The following LRRC56 variants were observed in gnomAD, a reference collection of about 807,000 sequenced individuals.
LRRC56 encodes leucine rich repeat containing 56, also known as leucine-rich repeat-containing protein 56.
A neutral mutation model predicts 47.8 loss-of-function variants in LRRC56; 41 were observed. The observed-to-expected ratio is 0.86, with a 90% CI of 0.67 to 1.11. The LOEUF is 1.11. Ranked by LOEUF, LRRC56 falls within the 50% of genes most tolerant of loss-of-function variation. The probability of loss-of-function intolerance (pLI) is 0.00; values close to 1 mark genes in which losing one functional copy is unlikely to be tolerated. For synonymous variants in LRRC56, 387 were observed against 311.2 expected (o/e 1.24, Z -2.56); for missense variants, 759 against 704.2 (o/e 1.08, Z -0.88).
intron 6 of LRRC56, among the ~76,000 whole-genome samples, chr11:548,265 C>T (rs962310424): frequency 6.6e-6 from 1 of 152,160 alleles, no homozygotes; most frequent in African/African-American, 2.4e-5. Context: ...GTTGGAGCAG[C>T]CAAGAAAAGA....
At position 541,653 on chromosome 11, in the gene LRRC56, A is replaced by G. The variant is rs776591434; in HGVS notation, c.265+29A>G. The G allele has an allele frequency of 5.0e-5, 66 of 1,317,802 alleles. No homozygotes were observed. The highest frequency in any genetic ancestry group is 3.7e-4 in the Middle Eastern group (2 of 5,364). 81.6% of individuals were successfully genotyped at this position (1,317,802 alleles called of 1,614,324 possible). A position where few individuals can be genotyped will look rare whatever the true frequency, so the allele number is the denominator to read the frequency against. On this transcript the variant is annotated intron_variant, in intron 5 of 13. Coordinates refer to ENST00000270115, the MANE Select transcript of LRRC56 (RefSeq NM_198075.4). The surrounding 1 kb of genome is among the most constrained non-coding windows in gnomAD (Gnocchi z 4.1). ...AGCCTCTTCCCACCCCGCCATGGCC[A>G]CGGCCACGGCCACGCCTCCCTGTAA...
At chr11:537,851 A>T (rs538240907) in intron 1 of LRRC56, among the ~76,000 whole-genome samples, 20 of 152,164 alleles carry the variant, frequency 1.3e-4, no homozygotes, top group South Asian at 1.2e-3. Flanking sequence ...CCTGAGGGAG[A>T]CTCAGAGGCA....
At chr11:522,371 T>C in the LRRC56 span, among the ~76,000 whole-genome samples, 134 of 152,232 alleles carry the variant, frequency 8.8e-4, no homozygotes, top group Middle Eastern at 0.017. Flanking sequence ...GTTCAGGCCA[T>C]TCTCCTGCCT....
At chr11:513,076 T>A in the LRRC56 span, among the ~76,000 whole-genome samples, 2 of 152,240 alleles carry the variant, frequency 1.3e-5, no homozygotes, top group African/African-American at 4.8e-5. Flanking sequence ...CTCAGCACAC[T>A]CTGCCCAGCA....
At position 541,549 on chromosome 11, in the gene LRRC56, C is replaced by T. The variant is rs766177788; in HGVS notation, c.190C>T (p.Arg64Trp). 36 of 1,577,642 alleles carry T rather than the reference C, an allele frequency of 2.3e-5. No individual in the cohort carries two copies. The highest frequency in any genetic ancestry group is 1.7e-4 in the Middle Eastern group (1 of 5,990). ...TTGGTTTCTACAGCAGGCCCTGGCC[C>T]GGGTGGATGACCTTCGGCTGGTGAG... ...LSPARLQALARVDDLRLVRTL... is the reference protein window; with the variant it reads ...LSPARLQALAWVDDLRLVRTL... Residue 64 changes from arginine to tryptophan, a missense_variant, in exon 5 of 14, where the codon CGG (arginine) becomes TGG (tryptophan). By Grantham distance (101) the Arg-to-Trp change is moderately radical. Coordinates refer to ENST00000270115, the MANE Select transcript of LRRC56 (RefSeq NM_198075.4). This position sits in a 1 kb window ranked among gnomAD's most constrained non-coding sequence, Gnocchi z 4.1.
upstream of LRRC56, chr11:534,317 C>T (rs751944063): frequency 1.2e-6 from 2 of 1,611,912 alleles, no homozygotes; most frequent in Admixed American, 1.7e-5. Context: ...GCTTATATTC[C>T]GTCATCGCTC....
chr11:553,965 C>T lies in LRRC56; in HGVS notation c.1318C>T (p.Pro440Ser), dbSNP rs1217678271. ...CCATCACTCTGCTTGCTTTCTAGAG[C>T]CCTCCGGGACCTCGAGCCAGCACCT... The part of the protein sequence containing the change: ...PSSPPSLASE[P>S]SGTSSQHLVP... Residue 440 changes from proline to serine, a missense_variant and splice_region_variant, in exon 14 of 14, where the codon CCC becomes TCC. Pro to Ser is a moderately conservative substitution (Grantham distance 74). Transcript: ENST00000270115. 5 of 1,609,890 alleles carry T rather than the reference C, an allele frequency of 3.1e-6. No individual in the cohort carries two copies. In the African/African-American group the frequency reaches 4.0e-5, roughly 13 times the overall value.
the LRRC56 span, among the ~76,000 whole-genome samples, chr11:516,767 A>C: frequency 6.6e-6 from 1 of 152,326 alleles, no homozygotes; most frequent in African/African-American, 2.4e-5. Flanking sequence ...AATAAGACAA[A>C]AATACATCAT....
chr11:514,825 C>T, the LRRC56 span, among the ~76,000 whole-genome samples: 1 of 152,160 alleles, frequency 6.6e-6, no homozygotes, highest in Admixed American at 6.6e-5. Context: ...ATTGCGGTGT[C>T]TAGAACTGAA....
the LRRC56 span, chr11:529,615 T>C: frequency 1.3e-5 from 2 of 152,316 alleles, no homozygotes; most frequent in Non-Finnish European, 2.9e-5. Context: ...GGATTGGCAG[T>C]TTGCAGGGGT....
upstream of LRRC56, chr11:534,312 T>C (rs764622691): frequency 2.1e-5 from 34 of 1,612,570 alleles, no homozygotes; most frequent in Non-Finnish European, 2.8e-5. Context: ...CACCAGCTTA[T>C]ATTCCGTCAT....
chr11:525,130 G>A, the LRRC56 span, among the ~76,000 whole-genome samples: 15 of 147,734 alleles, frequency 1.0e-4, no homozygotes, highest in South Asian at 2.2e-4. Flanking sequence ...GGGGCCGGGC[G>A]CGGTGGGTCA....
the LRRC56 span, among the ~76,000 whole-genome samples, chr11:527,031 G>T: frequency 3.9e-5 from 6 of 152,194 alleles, no homozygotes; most frequent in African/African-American, 1.4e-4. Flanking sequence ...GCCAGGTGCG[G>T]TGGCTCACGC....
chr11:548,908 C>T (rs1182068756), intron 6 of LRRC56, among the ~76,000 whole-genome samples: 4 of 152,212 alleles, frequency 2.6e-5, no homozygotes, highest in African/African-American at 9.6e-5. Flanking sequence ...TCACAGCCAG[C>T]AAACATCTGT....
At chr11:533,660 G>C (rs372806727), upstream of LRRC56, 3 of 1,612,528 alleles carry the variant, frequency 1.9e-6, no homozygotes, top group African/African-American at 1.3e-5. Context: ...CAGGCGCAGC[G>C]GCATCCAGGA....
At chr11:508,558 G>A in the LRRC56 span, among the ~76,000 whole-genome samples, 1 of 152,296 alleles carries the variant, frequency 6.6e-6, no homozygotes. Context: ...CCTGAGGTCA[G>A]GAGTTCAAGA....
At chr11:531,740 G>A in the LRRC56 span, among the ~76,000 whole-genome samples, 10 of 152,234 alleles carry the variant, frequency 6.6e-5, no homozygotes, top group Non-Finnish European at 1.5e-4. Context: ...GAGGCCAGTC[G>A]GTGCTGGAGC....
At chr11:552,001 C>A (rs1431636400) in intron 11 of LRRC56, 34 bp downstream of exon 11, 2 of 1,611,752 alleles carry the variant, frequency 1.2e-6, no homozygotes, top group African/African-American at 1.3e-5. Flanking sequence ...CCCACGAGAA[C>A]CAGTGTCCAG....
Position 554,633 on chromosome 11 carries a change from A to G in LRRC56, c.*357A>G. On this transcript the variant is annotated 3_prime_UTR_variant, in exon 14 of 14. Transcript: ENST00000270115. ...GGCATGGCCGAGGGGCAGGGGCTGG[A>G]GCTGCGAGTCCACCACTCCCTTGCC... 2.5e-6 allele frequency: 1 copy of G among 398,916 alleles called. No homozygotes were observed. The highest frequency in any genetic ancestry group is 4.4e-5 in the Admixed American group (1 of 22,680). The allele number at this position is 398,916 out of a possible 1,614,324, so 24.7% of individuals were successfully genotyped here. A position where few individuals can be genotyped will look rare whatever the true frequency, so the allele number is the denominator to read the frequency against.
Sources: gnomAD v4.1 joint callset for allele counts (sites outside exome capture counted in the v4.1 genomes callset) on GRCh38, gnomAD v4.1.1 for gene constraint, Gnocchi (gnomAD v3.1) non-coding constraint, MANE v1.5 for transcripts, NCBI Gene and HGNC (gene_info 2026-07-23, HGNC 2026-07-21) for gene names.